The following RANBP3 variants were observed in gnomAD, a reference collection of about 807,000 sequenced individuals.
The protein encoded by RANBP3 is ran-binding protein 3.
A neutral mutation model predicts 77.3 loss-of-function variants in RANBP3; 14 were observed. The observed-to-expected ratio is 0.18, with a 90% CI of 0.12 to 0.28. RANBP3 has a LOEUF of 0.28. Among genes scored for constraint, RANBP3 ranks in the 10% least tolerant of loss-of-function variants. RANBP3 has a pLI of 1.00. For missense variants in RANBP3, 586 were observed against 752.3 expected, an observed-to-expected ratio of 0.78 and a Z score of 2.59; for synonymous variants, 315 against 312.4, an observed-to-expected ratio of 1.01 and a Z score of -0.09.
At chr19:5,937,378 G>A (rs1214808238) in intron 5 of RANBP3, among the ~76,000 whole-genome samples, 1 of 152,278 alleles carries the variant, frequency 6.6e-6, no homozygotes, top group African/African-American at 2.4e-5. Context: ...CTCACCACCA[G>A]GACATACTGG....
chr19:5,933,090 G>T, intron 6 of RANBP3: 1 of 350,124 alleles, frequency 2.9e-6, no homozygotes, highest in Non-Finnish European at 5.3e-6. Flanking sequence ...GAACACTGTG[G>T]TATGTGGGGG....
rs755502273 is a variant in RANBP3, at chr19:5,952,358, G to A, written c.79-762C>T. Among the ~76,000 whole-genome samples, 6 of 152,118 alleles carry A rather than the reference G, an allele frequency of 3.9e-5. No homozygotes were observed. Among genetic ancestry groups the A allele is most frequent in the Non-Finnish European group, 4.4e-5 (3 of 68,006 alleles). Reference sequence around the variant, plus strand: ...AGGGCTCATTTGGAAAGCTGCCAAGGTGAGAGCAGCCGGTTCCAGAAGTCT... The same window carrying A: ...AGGGCTCATTTGGAAAGCTGCCAAGATGAGAGCAGCCGGTTCCAGAAGTCT... On this transcript the variant is annotated intron_variant, in intron 2 of 16. Coordinates refer to ENST00000340578, the MANE Select transcript of RANBP3 (RefSeq NM_007322.3). The surrounding 1 kb of genome is among the most constrained non-coding windows in gnomAD (Gnocchi z 4.1).
chr19:5,957,653 GGAA>G (rs1215418595), intron 2 of RANBP3, among the ~76,000 whole-genome samples: 1 of 151,562 alleles, frequency 6.6e-6, no homozygotes, highest in Non-Finnish European at 1.5e-5. Flanking sequence ...TCAGGAATTA[GGAA>G]GAAGCTTTCT....
chr19:5,917,836 C>T lies in RANBP3; in HGVS notation c.1618G>A (p.Asp540Asn), dbSNP rs1343421123. 3 of 1,612,614 alleles carry T rather than the reference C, an allele frequency of 1.9e-6. No individual in the cohort carries two copies. Among genetic ancestry groups the T allele is most frequent in the Admixed American group, 3.3e-5 (2 of 59,958 alleles). The part of the protein sequence containing the change: ...AAPSNEEDDS[D>N]DDDVLAPSGA... Reference sequence around the variant, plus strand: ...GAAGGAGCCAGGACATCGTCATCGTCGCTGTCGTCCTCCTCGTTGGATGGG... The same window carrying T: ...GAAGGAGCCAGGACATCGTCATCGTTGCTGTCGTCCTCCTCGTTGGATGGG... Residue 540 changes from aspartate (D) to asparagine (N), a missense_variant, in exon 16 of 17, where the codon GAC becomes AAC. By Grantham distance (23) the Asp-to-Asn change is conservative. Coordinates refer to ENST00000340578, the MANE Select transcript of RANBP3 (RefSeq NM_007322.3).
At chr19:5,963,506 G>A (rs556298828) in intron 1 of RANBP3, among the ~76,000 whole-genome samples, 1 of 152,340 alleles carries the variant, frequency 6.6e-6, no homozygotes, top group South Asian at 2.1e-4. Context: ...AGCCATGATC[G>A]TGCCACTGCA....
chr19:5,970,413 T>C (rs958616188), intron 1 of RANBP3, among the ~76,000 whole-genome samples: 1 of 152,130 alleles, frequency 6.6e-6, no homozygotes, highest in Non-Finnish European at 1.5e-5. Context: ...TAGATAACTA[T>C]GGAACACAAA....
In RANBP3 at chr19:5,974,653, T is replaced by C. The variant is rs1243778799; in HGVS notation, c.22+3408A>G. 2.0e-5 allele frequency among the ~76,000 whole-genome samples: 3 copies of C among 152,020 alleles called. No individual in the cohort carries two copies. In the East Asian group the frequency reaches 5.8e-4, roughly 29 times the overall value. On this transcript the variant is annotated intron_variant, in intron 1 of 16. Coordinates refer to ENST00000340578, the MANE Select transcript of RANBP3 (RefSeq NM_007322.3). ...GGTGACGAGGGCCAACAAGATGCTT[T>C]ACACAACAGAAAACATTTCCTCGTA...
At position 5,933,336 on chromosome 19, in the gene RANBP3, G is replaced by A. The variant is rs370093554; in HGVS notation, c.472+78C>T. 27 of 1,163,014 alleles carry A rather than the reference G, an allele frequency of 2.3e-5. No individual in the cohort carries two copies. In the African/African-American group the frequency reaches 2.4e-4, roughly 10 times the overall value. 72.0% of individuals were successfully genotyped at this position (1,163,014 alleles called of 1,614,324 possible). On this transcript the variant is annotated intron_variant, in intron 6 of 16. Transcript: ENST00000340578. ...TTTCTAGAAAGCAGGCTGAGCCCGC[G>A]GTGCCCTGGTGTGGCCTAGCAGAGG...
chr19:5,950,989 C>T (rs1599767845), intron 3 of RANBP3: 1 of 265,120 alleles, frequency 3.8e-6, no homozygotes, highest in East Asian at 1.2e-4. Flanking sequence ...GAAGCCTTAG[C>T]TTCTTGGGTT....
At chr19:5,923,789 G>A (rs758177176) in intron 12 of RANBP3, 23 bp downstream of exon 12, 1 of 1,563,722 alleles carries the variant, frequency 6.4e-7, no homozygotes, top group East Asian at 2.2e-5. Context: ...TGAGCCCCAT[G>A]CTGTGGTGGG....
intron 1 of RANBP3, among the ~76,000 whole-genome samples, chr19:5,977,409 C>T (rs2058606338): frequency 1.3e-5 from 2 of 152,058 alleles, no homozygotes; most frequent in African/African-American, 4.8e-5. Context: ...GCAAAAAGGG[C>T]CAAAGAGCAG....
chr19:5,918,409 C>T, intron 15 of RANBP3, 87 bp downstream of exon 15: 1 of 742,458 alleles, frequency 1.3e-6, no homozygotes, highest in Non-Finnish European at 1.8e-6. Context: ...CTCCCCTCCC[C>T]ACCGTCCTGC....
chr19:5,930,273 G>A (rs1461025387), intron 8 of RANBP3, among the ~76,000 whole-genome samples: 3 of 152,246 alleles, frequency 2.0e-5, no homozygotes, highest in Non-Finnish European at 4.4e-5. Context: ...TTGAAAAAGG[G>A]CGTGAGGATG....
intron 1 of RANBP3, among the ~76,000 whole-genome samples, chr19:5,970,980 C>G (rs2058523350): frequency 6.6e-6 from 1 of 152,158 alleles, no homozygotes; most frequent in African/African-American, 2.4e-5. Context: ...TTAGAATTCT[C>G]CCGATGTTGG....
intron 3 of RANBP3, among the ~76,000 whole-genome samples, chr19:5,949,982 C>G (rs770790804): frequency 3.3e-5 from 5 of 152,140 alleles, no homozygotes; most frequent in Admixed American, 6.5e-5. Context: ...TTTTTCAAAC[C>G]CAGGCACCTG....
intron 14 of RANBP3, among the ~76,000 whole-genome samples, chr19:5,920,698 T>A (rs1383026627): frequency 6.6e-6 from 1 of 152,088 alleles, no homozygotes; most frequent in Non-Finnish European, 1.5e-5. Context: ...CAGACATGTA[T>A]CACCATGCCC....
chr19:5,962,242 C>T (rs1231057050), intron 1 of RANBP3, among the ~76,000 whole-genome samples: 1 of 152,148 alleles, frequency 6.6e-6, no homozygotes. Flanking sequence ...CTGTGCAGGG[C>T]GCCACAGGAA....
chr19:5,976,840 A>T (rs959585231), intron 1 of RANBP3, among the ~76,000 whole-genome samples: 5 of 152,224 alleles, frequency 3.3e-5, no homozygotes, highest in Non-Finnish European at 1.5e-5. Context: ...ACACAGAATC[A>T]GAATCTGCAG....
intron 8 of RANBP3, among the ~76,000 whole-genome samples, chr19:5,929,604 C>A (rs1270281843): frequency 1.3e-5 from 2 of 152,240 alleles, no homozygotes; most frequent in Non-Finnish European, 2.9e-5. Flanking sequence ...GAGGGGAAGC[C>A]TCTTCCCCAC....
Sources: gnomAD v4.1 joint callset for allele counts (sites outside exome capture counted in the v4.1 genomes callset) on GRCh38, gnomAD v4.1.1 for gene constraint, Gnocchi (gnomAD v3.1) non-coding constraint, MANE v1.5 for transcripts, NCBI Gene and HGNC (gene_info 2026-07-23, HGNC 2026-07-21) for gene names.